The following FGF14 variants were observed in gnomAD, a reference collection of about 807,000 sequenced individuals.
FGF14 encodes the protein fibroblast growth factor 14.
In FGF14, 5 loss-of-function variants were observed where a neutral mutation model predicts 25.5. The observed-to-expected ratio is 0.20, with a 90% confidence interval of 0.10 to 0.41. The LOEUF is 0.41. Ranked by LOEUF, FGF14 falls within the 10% of genes least tolerant of loss-of-function variation. The pLI is 1.00. For synonymous variants in FGF14, 138 were observed against 118.3 expected (o/e 1.17, Z -1.08); for missense variants, 222 against 320.1 (o/e 0.69, Z 2.34).
At chr13:102,035,934 G>C (rs763472515) in intron 1 of FGF14, among the ~76,000 whole-genome samples, 6 of 152,108 alleles carry the variant, frequency 3.9e-5, no homozygotes, top group Admixed American at 1.3e-4. Flanking sequence ...CAGAAAGGAA[G>C]GCCTGGGGAA....
intron 1 of FGF14, among the ~76,000 whole-genome samples, chr13:102,319,882 T>C (rs899153097): frequency 7.2e-5 from 11 of 152,308 alleles, no homozygotes; most frequent in African/African-American, 2.4e-4. Flanking sequence ...TATGTATGTA[T>C]ATATTCATAT....
chr13:101,917,053 C>T (rs550371445), upstream of FGF14, among the ~76,000 whole-genome samples: 3 of 151,492 alleles, frequency 2.0e-5, no homozygotes, highest in African/African-American at 7.2e-5. Flanking sequence ...TAGAGCCGGC[C>T]GGCGGCTCCC....
intron 1 of FGF14, among the ~76,000 whole-genome samples, chr13:102,285,329 G>C (rs969280984): frequency 6.6e-6 from 1 of 152,110 alleles, no homozygotes; most frequent in Admixed American, 6.5e-5. Context: ...ATTTCTGGTA[G>C]CTATTTTTCT....
intron 1 of FGF14, among the ~76,000 whole-genome samples, chr13:101,993,814 TAC>T (rs1355983872): frequency 6.6e-6 from 1 of 151,852 alleles, no homozygotes; most frequent in Non-Finnish European, 1.5e-5. Context: ...CTATGAAAGA[TAC>T]AGTTTGTGAC....
chr13:101,895,648 C>T (rs2030534602), intron 1 of FGF14, among the ~76,000 whole-genome samples: 1 of 151,988 alleles, frequency 6.6e-6, no homozygotes, highest in African/African-American at 2.4e-5. Context: ...AAAGGTAAAA[C>T]GTAAGAAAAG....
rs528965331 is a variant in FGF14 at position 102,295,570 on chromosome 13, AT to A, written c.208+105900del. 1.1e-4 allele frequency among the ~76,000 whole-genome samples: 16 copies of A among 152,258 alleles called. No homozygotes were observed. In the South Asian group the frequency reaches 3.1e-3, roughly 30 times the overall value. On this transcript the variant is annotated intron_variant, in intron 1 of 4. Transcript: ENST00000376131. Reference sequence around the variant, plus strand: ...AAAGGTCGGCGAAGCAGGCATAATTATTCCCTCATTCTCCCTCAGGGCACTG... The same window carrying A: ...AAAGGTCGGCGAAGCAGGCATAATTATCCCTCATTCTCCCTCAGGGCACTG...
At chr13:101,802,831 T>C (rs1441563215) in intron 3 of FGF14, among the ~76,000 whole-genome samples, 1 of 152,140 alleles carries the variant, frequency 6.6e-6, no homozygotes, top group Admixed American at 6.6e-5. Context: ...AATCCTGAGG[T>C]GTCAGGTGTA....
chr13:101,780,162 TG>T (rs925277390), intron 3 of FGF14, among the ~76,000 whole-genome samples: 1 of 152,170 alleles, frequency 6.6e-6, no homozygotes, highest in African/African-American at 2.4e-5. Flanking sequence ...AGTTGAGATA[TG>T]GCTAAAATAA....
At chr13:101,984,335 T>C (rs762978121) in intron 1 of FGF14, among the ~76,000 whole-genome samples, 11 of 152,204 alleles carry the variant, frequency 7.2e-5, no homozygotes, top group Non-Finnish European at 7.3e-5. Context: ...GAACCGTTTA[T>C]TAATTCAACC....
At chr13:101,951,442 G>C (rs1000493339) in intron 1 of FGF14, among the ~76,000 whole-genome samples, 1 of 151,528 alleles carries the variant, frequency 6.6e-6, no homozygotes, top group African/African-American at 2.4e-5. Flanking sequence ...TCTGTAAATT[G>C]GACAATTTTA....
At chr13:102,085,248 G>A (rs1378303648) in intron 1 of FGF14, among the ~76,000 whole-genome samples, 2 of 151,934 alleles carry the variant, frequency 1.3e-5, no homozygotes, top group East Asian at 1.9e-4. Context: ...GTGCTGGTGG[G>A]GGAGGGGGAG....
At chr13:102,242,748 C>A (rs1206000990) in intron 1 of FGF14, among the ~76,000 whole-genome samples, 2 of 152,066 alleles carry the variant, frequency 1.3e-5, no homozygotes, top group African/African-American at 2.4e-5. Context: ...CTCCTCTGGG[C>A]ATATCCACTT....
At chr13:102,352,902 CTCTTA>C (rs2057329181) in intron 1 of FGF14, among the ~76,000 whole-genome samples, 2 of 151,928 alleles carry the variant, frequency 1.3e-5, no homozygotes, top group African/African-American at 2.4e-5. Context: ...AAAATATCCT[CTCTTA>C]TAATAGACTG....
intron 1 of FGF14, among the ~76,000 whole-genome samples, chr13:102,175,048 A>G (rs971127909): frequency 3.3e-5 from 5 of 152,220 alleles, no homozygotes; most frequent in Non-Finnish European, 5.9e-5. Context: ...TGCAGATTCA[A>G]CACGATTTTT....
At chr13:102,071,896 TAC>T (rs2043169083) in intron 1 of FGF14, among the ~76,000 whole-genome samples, 1 of 152,186 alleles carries the variant, frequency 6.6e-6, no homozygotes, top group Non-Finnish European at 1.5e-5. Flanking sequence ...TGGTGGGAAT[TAC>T]ACTCTCACGA....
chr13:102,397,618 A>G (rs1537923), intron 1 of FGF14, among the ~76,000 whole-genome samples: 48,799 of 152,022 alleles, frequency 0.32, 8,899 homozygotes, highest in African/African-American at 0.49. Flanking sequence ...TTGAGTGGGT[A>G]TATCTATTTG....
At chr13:101,930,216 AC>A in intron 1 of FGF14, among the ~76,000 whole-genome samples, 1 of 152,274 alleles carries the variant, frequency 6.6e-6, no homozygotes, top group Non-Finnish European at 1.5e-5. Flanking sequence ...CCCAACAAAA[AC>A]AACAACAAAA....
intron 1 of FGF14, chr13:102,002,162 G>C (rs1282387795): frequency 6.6e-6 from 1 of 152,148 alleles, no homozygotes; most frequent in African/African-American, 2.4e-5. Context: ...ATGGCTTTCA[G>C]TAATTCTGTA....
In FGF14 at chr13:102,324,024, T is replaced by A. The variant is rs1298369864; in HGVS notation, c.208+77447A>T. On this transcript the variant is annotated intron_variant, in intron 1 of 4. Transcript: ENST00000376131. The stretch of plus-strand genomic sequence containing the variant: ...GTGTGTGTTGCTGTACATGTGCTGT[T>A]GTATGTGAGCACAGGCACACATCTG... Among the ~76,000 whole-genome samples, 8 of 151,608 alleles carry A rather than the reference T, an allele frequency of 5.3e-5. No individual in the cohort carries two copies. The East Asian group carries it at 1.4e-3, about 26-fold the overall frequency.
Sources: gnomAD v4.1 joint callset for allele counts (sites outside exome capture counted in the v4.1 genomes callset) on GRCh38, gnomAD v4.1.1 for gene constraint, MANE v1.5 for transcripts, NCBI Gene and HGNC (gene_info 2026-07-23, HGNC 2026-07-21) for gene names.